CNTN4: variants seen among roughly 807,000 people sequenced by gnomAD.
The protein encoded by CNTN4 is contactin 4, also known as contactin-4.
Under a neutral mutation model 122.5 loss-of-function variants are expected in CNTN4, and 77 were observed. The observed-to-expected ratio is 0.63, with a 90% CI of 0.52 to 0.76. CNTN4 has a LOEUF of 0.76. CNTN4 is among the 30% of genes least tolerant of loss of function. The probability of loss-of-function intolerance (pLI) is 0.00; values close to 1 mark genes in which losing one functional copy is unlikely to be tolerated. For missense variants in CNTN4, 1,256 were observed against 1,259.1 expected (o/e 1.00, Z 0.04); for synonymous variants, 512 against 447.0 (o/e 1.15, Z -1.83).
chr3:2,989,973 C>T (rs1694914972), intron 14 of CNTN4, among the ~76,000 whole-genome samples: 1 of 152,116 alleles, frequency 6.6e-6, no homozygotes, highest in South Asian at 2.1e-4. Context: ...AGTTAAAAGA[C>T]AGGGATTCAA....
chr3:2,169,478 C>A (rs542794920), intron 2 of CNTN4, among the ~76,000 whole-genome samples: 3 of 152,152 alleles, frequency 2.0e-5, no homozygotes, highest in African/African-American at 2.4e-5. Context: ...GCGATCTCGG[C>A]TCACTGCAAG....
intron 3 of CNTN4, among the ~76,000 whole-genome samples, chr3:2,555,988 A>G (rs368022083): frequency 1.1e-4 from 16 of 152,078 alleles, no homozygotes; most frequent in African/African-American, 3.1e-4. Context: ...TGCTGTCAAG[A>G]CTCCTACCTT....
At chr3:2,504,197 A>T (rs905133492) in intron 3 of CNTN4, among the ~76,000 whole-genome samples, 5 of 152,164 alleles carry the variant, frequency 3.3e-5, no homozygotes, top group Admixed American at 1.3e-4. Flanking sequence ...ACTAGTAGAT[A>T]TGAAGAGGGA....
At chr3:2,611,296 C>A (rs1286244070) in intron 4 of CNTN4, among the ~76,000 whole-genome samples, 18 of 30,962 alleles carry the variant, frequency 5.8e-4, no homozygotes, top group South Asian at 9.3e-4. Context: ...GCACCTGGAA[C>A]CAAAAAAAAA....
intron 6 of CNTN4, among the ~76,000 whole-genome samples, chr3:2,812,364 G>C (rs1303065966): frequency 1.3e-5 from 2 of 151,732 alleles, no homozygotes; most frequent in African/African-American, 4.9e-5. Context: ...GAAGATTATA[G>C]GAAGAATTTC....
intron 7 of CNTN4, among the ~76,000 whole-genome samples, chr3:2,846,467 AC>A (rs2093458021): frequency 6.6e-6 from 1 of 152,072 alleles, no homozygotes; most frequent in Non-Finnish European, 1.5e-5. Context: ...AGTCAATTAA[AC>A]CTCTTTCCTT....
intron 3 of CNTN4, among the ~76,000 whole-genome samples, chr3:2,517,662 G>A (rs1311861072): frequency 6.6e-6 from 1 of 152,112 alleles, no homozygotes; most frequent in Admixed American, 6.6e-5. Context: ...CTTGTCTGCT[G>A]GACATGGACT....
chr3:2,370,203 A>C (rs1467634667), intron 3 of CNTN4, among the ~76,000 whole-genome samples: 1 of 152,222 alleles, frequency 6.6e-6, no homozygotes, highest in Non-Finnish European at 1.5e-5. Context: ...TAAAGGCCCC[A>C]TGTCACAAAA....
intron 13 of CNTN4, among the ~76,000 whole-genome samples, chr3:2,982,124 A>G (rs1269295221): frequency 2.6e-5 from 4 of 152,148 alleles, no homozygotes; most frequent in African/African-American, 9.7e-5. Context: ...ATATAGCCAA[A>G]ATTATGTGAT....
At chr3:2,655,833 G>C (rs1429022656) in intron 4 of CNTN4, among the ~76,000 whole-genome samples, 1 of 152,118 alleles carries the variant, frequency 6.6e-6, no homozygotes, top group African/African-American at 2.4e-5. Context: ...TACCAAGACT[G>C]TTTTGACTTT....
intron 3 of CNTN4, among the ~76,000 whole-genome samples, chr3:2,457,665 A>T (rs1323501674): frequency 6.6e-6 from 1 of 152,146 alleles, no homozygotes; most frequent in Non-Finnish European, 1.5e-5. Flanking sequence ...TAAAACTCCC[A>T]GGTCCTTTTC....
chr3:2,746,738 A>T (rs1050882605), intron 6 of CNTN4, among the ~76,000 whole-genome samples: 1 of 152,214 alleles, frequency 6.6e-6, no homozygotes, highest in Non-Finnish European at 1.5e-5. Flanking sequence ...GCATTTTTAT[A>T]AGTTGGGAAA....
At chr3:2,119,288 T>C (rs1418360985) in intron 2 of CNTN4, among the ~76,000 whole-genome samples, 1 of 152,122 alleles carries the variant, frequency 6.6e-6, no homozygotes, top group East Asian at 1.9e-4. Context: ...TGTGTCTCTT[T>C]CTTTCTGTCT....
chr3:2,372,709 G>A (rs1315001064), intron 3 of CNTN4, among the ~76,000 whole-genome samples: 1 of 152,166 alleles, frequency 6.6e-6, no homozygotes, highest in East Asian at 1.9e-4. Flanking sequence ...AACCAATTGA[G>A]TGAGAGTCAG....
chr3:3,007,325 C>T (rs573771245), intron 14 of CNTN4, among the ~76,000 whole-genome samples: 1 of 152,292 alleles, frequency 6.6e-6, no homozygotes, highest in Admixed American at 6.5e-5. Context: ...TTCTGAGTAA[C>T]TTGTACTTTA....
intron 13 of CNTN4, chr3:2,927,418 C>T (rs894721732): frequency 2.3e-6 from 1 of 439,964 alleles, no homozygotes; most frequent in Non-Finnish European, 4.5e-6. Flanking sequence ...TTCTTAAAGC[C>T]TCTACTTAGA....
At chr3:2,209,107 G>C (rs765774954) in intron 2 of CNTN4, among the ~76,000 whole-genome samples, 2 of 152,142 alleles carry the variant, frequency 1.3e-5, no homozygotes, top group African/African-American at 2.4e-5. Context: ...CCAAATCTCA[G>C]TGTATTAACA....
chr3:2,707,636 C>A (rs1348163404), intron 4 of CNTN4, among the ~76,000 whole-genome samples: 1 of 123,632 alleles, frequency 8.1e-6, no homozygotes, highest in Non-Finnish European at 1.8e-5. Context: ...GCTTCTTTTT[C>A]TTTTGTTTTA....
At chr3:3,028,089 G>A (rs9837045) in intron 15 of CNTN4, among the ~76,000 whole-genome samples, 60,111 of 151,946 alleles carry the variant, frequency 0.4, 12,342 homozygotes, top group Non-Finnish European at 0.46. Context: ...ATAAGCAAGC[G>A]CAATTTTGAA....
Sources: gnomAD v4.1 joint callset for allele counts (sites outside exome capture counted in the v4.1 genomes callset) on GRCh38, gnomAD v4.1.1 for gene constraint, MANE v1.5 for transcripts, NCBI Gene and HGNC (gene_info 2026-07-23, HGNC 2026-07-21) for gene names.